The following ERP44 variants were observed in gnomAD, a reference collection of about 807,000 sequenced individuals.
ERP44 encodes the protein endoplasmic reticulum protein 44, also known as endoplasmic reticulum resident protein 44.
In ERP44, 25 loss-of-function variants were observed where a neutral mutation model predicts 53.4. The ratio of observed to expected loss-of-function variants is 0.47; its 90% CI spans 0.34 to 0.65. The LOEUF is 0.65. ERP44 is among the 30% of genes least tolerant of loss of function. ERP44 has a pLI of 0.01. For missense variants in ERP44, 338 were observed against 493.2 expected (o/e 0.69, Z 2.98); for synonymous variants, 145 against 161.2 (o/e 0.90, Z 0.76).
At chr9:100,067,616 G>A (rs1416867130) in intron 1 of ERP44, among the ~76,000 whole-genome samples, 35 of 151,848 alleles carry the variant, frequency 2.3e-4, no homozygotes, top group Admixed American at 1.3e-3. Flanking sequence ...CCGCCACCCC[G>A]TCTGGGAAGT....
At chr9:100,067,881 C>G (rs1267361047) in intron 1 of ERP44, among the ~76,000 whole-genome samples, 2 of 150,592 alleles carry the variant, frequency 1.3e-5, no homozygotes, top group African/African-American at 4.9e-5. Flanking sequence ...CGCCCGGCAG[C>G]CGCCCCGCCT....
In ERP44 at chr9:100,052,404, T is replaced by A; in HGVS notation, c.286+13A>T. 6.8e-7 allele frequency: 1 copy of A among 1,478,432 alleles called. No homozygotes were observed. The highest frequency in any genetic ancestry group is 9.4e-7 in the Non-Finnish European group (1 of 1,061,968). The allele number at this position is 1,478,432 out of a possible 1,614,324, so 91.6% of individuals were successfully genotyped here. A position where few individuals can be genotyped will look rare whatever the true frequency, so the allele number is the denominator to read the frequency against. ...GGGACAGTCTCTTCTAGACTTCCTA[T>A]TGAGGTACTTACAGTGCTGATCACA... On this transcript the variant is annotated intron_variant, in intron 4 of 11. Coordinates refer to ENST00000262455, the MANE Select transcript of ERP44 (RefSeq NM_015051.3).
chr9:99,992,820 C>T (rs1306044553), intron 10 of ERP44, among the ~76,000 whole-genome samples: 2 of 152,226 alleles, frequency 1.3e-5, no homozygotes, highest in Admixed American at 1.3e-4. Context: ...TCAGCAAAGT[C>T]TTGGGATACA....
intron 1 of ERP44, 116 bp downstream of exon 1, chr9:100,098,668 C>T: frequency 1.1e-6 from 1 of 909,536 alleles, no homozygotes; most frequent in Admixed American, 2.1e-5. Flanking sequence ...AGGGTGCACT[C>T]CAAAACACTG....
At chr9:100,057,769 A>T in intron 3 of ERP44, 51 bp downstream of exon 3, 1 of 1,374,502 alleles carries the variant, frequency 7.3e-7, no homozygotes, top group Non-Finnish European at 1.0e-6. Flanking sequence ...AAGAAAAATT[A>T]ACCTTTAGCA....
intron 1 of ERP44, among the ~76,000 whole-genome samples, chr9:100,075,739 A>C (rs1007372883): frequency 2.0e-5 from 3 of 152,230 alleles, no homozygotes; most frequent in African/African-American, 7.2e-5. Flanking sequence ...TCCTACAACC[A>C]AGAAACAGGC....
intron 1 of ERP44, among the ~76,000 whole-genome samples, chr9:100,070,965 A>C (rs1826295329): frequency 6.6e-6 from 1 of 152,176 alleles, no homozygotes; most frequent in Non-Finnish European, 1.5e-5. Context: ...CTCAGGCAAT[A>C]TACTATAGCA....
intron 9 of ERP44, 55 bp from the exon 10 acceptor site, chr9:100,006,702 TG>T: frequency 7.7e-7 from 1 of 1,293,838 alleles, no homozygotes; most frequent in Non-Finnish European, 1.1e-6. Context: ...AAAATATTTT[TG>T]TAAGATTGCA....
chr9:100,052,541 A>C lies in ERP44; in HGVS notation c.171-9T>G, dbSNP rs762607327. ...TCTGACTGAAACGACACCTATACAC[A>C]GAGAAGGATGCCAATTAGAAATGAA... On this transcript the variant is annotated splice_polypyrimidine_tract_variant and intron_variant, in intron 3 of 11. Transcript: ENST00000262455. 6.7e-7 allele frequency: 1 copy of C among 1,487,122 alleles called. No homozygotes were observed. The highest frequency in any genetic ancestry group is 9.3e-7 in the Non-Finnish European group (1 of 1,080,428). The allele number at this position is 1,487,122 out of a possible 1,614,324, so 92.1% of individuals were successfully genotyped here.
intron 4 of ERP44, among the ~76,000 whole-genome samples, chr9:100,039,080 A>G (rs913548770): frequency 6.6e-6 from 1 of 152,222 alleles, no homozygotes; most frequent in Non-Finnish European, 1.5e-5. Context: ...CCCCAACACA[A>G]TAATAGCTGG....
At chr9:100,094,275 A>C (rs1460156822) in intron 1 of ERP44, among the ~76,000 whole-genome samples, 1 of 152,220 alleles carries the variant, frequency 6.6e-6, no homozygotes, top group Non-Finnish European at 1.5e-5. Flanking sequence ...TGGAGGGAGA[A>C]ACAAATATAT....
At chr9:100,049,607 C>G (rs981061302) in intron 4 of ERP44, among the ~76,000 whole-genome samples, 1 of 152,088 alleles carries the variant, frequency 6.6e-6, no homozygotes, top group African/African-American at 2.4e-5. Context: ...AATAGACTAT[C>G]CACTCCAAGT....
chr9:100,034,002 G>T (rs2118676037), intron 4 of ERP44, among the ~76,000 whole-genome samples: 1 of 152,230 alleles, frequency 6.6e-6, no homozygotes, highest in South Asian at 2.1e-4. Flanking sequence ...TATGCCAGAG[G>T]CCACTCAACC....
chr9:100,020,489 G>A, intron 6 of ERP44, 127 bp downstream of exon 6: 2 of 609,114 alleles, frequency 3.3e-6, no homozygotes, highest in Admixed American at 3.0e-5. Context: ...TATAAAGACT[G>A]TTTAGTGATT....
At position 100,052,266 on chromosome 9, in the gene ERP44, C is replaced by G. The variant is rs534226032; in HGVS notation, c.286+151G>C. ...AACAATTTAACCAAGGTCACTAGAACCTTTTCGGTTTGTTCTCCACTTAAA... is the reference window on the plus strand; with the variant it reads ...AACAATTTAACCAAGGTCACTAGAAGCTTTTCGGTTTGTTCTCCACTTAAA... On this transcript the variant is annotated intron_variant, in intron 4 of 11. Coordinates refer to ENST00000262455, the MANE Select transcript of ERP44 (RefSeq NM_015051.3). 9.6e-6 allele frequency: 4 copies of G among 414,934 alleles called. No homozygotes were observed. The East Asian group carries it at 1.1e-4, about 11-fold the overall frequency. The allele number at this position is 414,934 out of a possible 1,614,324, so 25.7% of individuals were successfully genotyped here. A position where few individuals can be genotyped will look rare whatever the true frequency, so the allele number is the denominator to read the frequency against.
chr9:100,081,259 GA>G (rs1340115347), intron 1 of ERP44, among the ~76,000 whole-genome samples: 1 of 152,008 alleles, frequency 6.6e-6, no homozygotes, highest in African/African-American at 2.4e-5. Context: ...GCAAATAATG[GA>G]AAAGCTGGGG....
intron 1 of ERP44, among the ~76,000 whole-genome samples, chr9:100,079,613 T>C (rs1587983794): frequency 6.6e-6 from 1 of 152,254 alleles, no homozygotes; most frequent in African/African-American, 2.4e-5. Flanking sequence ...TAATTTTTAA[T>C]TTTGTTTATA....
intron 3 of ERP44, among the ~76,000 whole-genome samples, chr9:100,057,280 T>C (rs1246886993): frequency 2.0e-5 from 3 of 152,200 alleles, no homozygotes; most frequent in African/African-American, 4.8e-5. Context: ...ATATACCATG[T>C]TGTTCTAGAT....
chr9:100,063,065 C>A (rs1587978260), intron 1 of ERP44, among the ~76,000 whole-genome samples: 1 of 23,232 alleles, frequency 4.3e-5, no homozygotes, highest in South Asian at 2.3e-3. Flanking sequence ...CAGAACAGGA[C>A]CCTGTCTCAC....
Sources: gnomAD v4.1 joint callset for allele counts (sites outside exome capture counted in the v4.1 genomes callset) on GRCh38, gnomAD v4.1.1 for gene constraint, MANE v1.5 for transcripts, NCBI Gene and HGNC (gene_info 2026-07-23, HGNC 2026-07-21) for gene names.